Variants in PCNX2 observed in about 807,000 individuals in gnomAD.
The protein encoded by PCNX2 is pecanex 2.
PCNX2 carries 168 observed loss-of-function variants against 223.8 expected under a neutral mutation model. The ratio of observed to expected loss-of-function variants is 0.75; its 90% CI spans 0.66 to 0.85. PCNX2 has a LOEUF of 0.85. Ranked by LOEUF, PCNX2 falls within the 40% of genes least tolerant of loss-of-function variation. The pLI is 0.00. For missense variants in PCNX2, 2,507 were observed against 2,675.5 expected (o/e 0.94, Z 1.39); for synonymous variants, 1,006 against 1,052.6 (o/e 0.96, Z 0.86).
intron 22 of PCNX2, chr1:233,095,446 G>A (rs1274040882): frequency 6.2e-6 from 2 of 324,682 alleles, no homozygotes; most frequent in East Asian, 1.2e-4. Flanking sequence ...TTTTGCACAA[G>A]GCAACCCAAT....
At chr1:233,215,059 G>A (rs147873944) in intron 12 of PCNX2, among the ~76,000 whole-genome samples, 25 of 152,206 alleles carry the variant, frequency 1.6e-4, no homozygotes, top group African/African-American at 4.3e-4. Flanking sequence ...AAATAGTGCC[G>A]TCTGAAAAGC....
At chr1:233,117,488 G>A (rs1315886181) in intron 21 of PCNX2, among the ~76,000 whole-genome samples, 3 of 150,706 alleles carry the variant, frequency 2.0e-5, no homozygotes, top group Admixed American at 6.6e-5. Flanking sequence ...AAAATTAGCC[G>A]TATTCGGGAG....
intron 28 of PCNX2, among the ~76,000 whole-genome samples, chr1:233,007,391 A>G (rs79967126): frequency 0.021 from 3,202 of 152,214 alleles, 126 homozygotes; most frequent in African/African-American, 0.072. Context: ...GTGGAGAAAG[A>G]GAGTAAGATG....
intron 23 of PCNX2, among the ~76,000 whole-genome samples, chr1:233,072,680 A>G (rs1310357829): frequency 6.6e-6 from 1 of 152,192 alleles, no homozygotes; most frequent in Non-Finnish European, 1.5e-5. Flanking sequence ...CCATACTATT[A>G]ATATAATCTA....
At chr1:233,288,712 TGA>T (rs965737476) in intron 1 of PCNX2, among the ~76,000 whole-genome samples, 15 of 151,562 alleles carry the variant, frequency 9.9e-5, no homozygotes, top group Non-Finnish European at 1.6e-4. Flanking sequence ...AAGCAAAAAT[TGA>T]GAGACAACTG....
At chr1:233,103,155 C>T (rs557043284) in intron 21 of PCNX2, among the ~76,000 whole-genome samples, 1 of 152,048 alleles carries the variant, frequency 6.6e-6, no homozygotes, top group East Asian at 1.9e-4. Flanking sequence ...TTTGTGAGTG[C>T]ATGGTAGGTG....
intron 5 of PCNX2, among the ~76,000 whole-genome samples, chr1:233,255,678 A>C (rs1242628076): frequency 6.6e-6 from 1 of 152,224 alleles, no homozygotes; most frequent in Non-Finnish European, 1.5e-5. Flanking sequence ...CCTGGGCTGG[A>C]AATAAGAGTA....
intron 21 of PCNX2, among the ~76,000 whole-genome samples, chr1:233,116,133 G>T (rs1675393713): frequency 6.6e-6 from 1 of 151,678 alleles, no homozygotes; most frequent in South Asian, 2.1e-4. Context: ...TGTGAAGCAG[G>T]AACTGATAGA....
At chr1:233,301,256 A>G in the PCNX2 span, among the ~76,000 whole-genome samples, 1 of 152,216 alleles carries the variant, frequency 6.6e-6, no homozygotes, top group Admixed American at 6.5e-5. Context: ...TTAAAATTAT[A>G]ATTGATATTC....
chr1:233,094,597 T>C (rs1175674200), intron 22 of PCNX2, among the ~76,000 whole-genome samples: 1 of 152,178 alleles, frequency 6.6e-6, no homozygotes, highest in East Asian at 1.9e-4. Flanking sequence ...GAAGAAATCA[T>C]TTTTCAAAAT....
intron 4 of PCNX2, among the ~76,000 whole-genome samples, chr1:233,260,554 C>T (rs1659992677): frequency 6.6e-6 from 1 of 152,036 alleles, no homozygotes; most frequent in African/African-American, 2.4e-5. Flanking sequence ...TATGGATAAT[C>T]CTTTACATAT....
intron 1 of PCNX2, chr1:233,291,228 T>C (rs1661744080): frequency 2.5e-6 from 1 of 396,884 alleles, no homozygotes; most frequent in South Asian, 1.0e-4. Context: ...GCTAAACCTA[T>C]AAAATGAAAG....
the PCNX2 span, among the ~76,000 whole-genome samples, chr1:233,318,110 T>C: frequency 6.6e-6 from 1 of 152,178 alleles, no homozygotes; most frequent in African/African-American, 2.4e-5. Flanking sequence ...CCAATCCAGA[T>C]GCTTTTTGTC....
chr1:233,150,243 G>A (rs1677718580), intron 19 of PCNX2, among the ~76,000 whole-genome samples: 2 of 152,212 alleles, frequency 1.3e-5, no homozygotes, highest in Admixed American at 6.5e-5. Context: ...CTGAGGAGAA[G>A]CTGGTGCTTC....
chr1:233,279,010 T>G (rs1444030597), intron 1 of PCNX2, among the ~76,000 whole-genome samples: 3 of 152,172 alleles, frequency 2.0e-5, no homozygotes, highest in Non-Finnish European at 2.9e-5. Flanking sequence ...AGACTCCTCT[T>G]GTTCATTTTC....
At chr1:233,245,981 T>G (rs1006248502) in intron 8 of PCNX2, among the ~76,000 whole-genome samples, 1 of 152,114 alleles carries the variant, frequency 6.6e-6, no homozygotes, top group African/African-American at 2.4e-5. Flanking sequence ...AAATACACTT[T>G]TAGATACAAA....
At chr1:233,043,007 CCTCAG>C (rs1671698126) in intron 25 of PCNX2, among the ~76,000 whole-genome samples, 1 of 152,176 alleles carries the variant, frequency 6.6e-6, no homozygotes, top group Admixed American at 6.5e-5. Flanking sequence ...TTGCTGTAAG[CCTCAG>C]GAAAGCCTAT....
At chr1:233,175,348 T>C (rs1679420127) in intron 17 of PCNX2, among the ~76,000 whole-genome samples, 1 of 152,192 alleles carries the variant, frequency 6.6e-6, no homozygotes, top group African/African-American at 2.4e-5. Flanking sequence ...TCAAAGGGTA[T>C]GAAAACCAAG....
the PCNX2 span, among the ~76,000 whole-genome samples, chr1:233,321,334 G>A: frequency 2.9e-4 from 44 of 151,892 alleles, no homozygotes; most frequent in African/African-American, 1.0e-3. Context: ...GTCTTGCTCT[G>A]TCACCCAGGC....
Sources: gnomAD v4.1 joint callset for allele counts (sites outside exome capture counted in the v4.1 genomes callset) on GRCh38, gnomAD v4.1.1 for gene constraint, MANE v1.5 for transcripts, NCBI Gene and HGNC (gene_info 2026-07-23, HGNC 2026-07-21) for gene names.